Variants in ZFHX3 observed in about 807,000 individuals in gnomAD.
ZFHX3 encodes the protein zinc finger homeobox protein 3.
A neutral mutation model predicts 279.1 loss-of-function variants in ZFHX3; 42 were observed. That is an observed-to-expected ratio of 0.15 (90% confidence interval 0.12 to 0.19). The LOEUF (loss-of-function observed/expected upper bound fraction) is 0.19. ZFHX3 is among the 10% of genes least tolerant of loss of function. The pLI is 1.00. For synonymous variants in ZFHX3, 2,293 were observed against 1,957.8 expected, an observed-to-expected ratio of 1.17 and a Z score of -4.52; for missense variants, 4,981 against 4,754.0, an observed-to-expected ratio of 1.05 and a Z score of -1.40.
intron 3 of ZFHX3, among the ~76,000 whole-genome samples, chr16:73,387,857 T>C (rs1172333648): frequency 6.6e-6 from 1 of 151,916 alleles, no homozygotes; most frequent in Non-Finnish European, 1.5e-5. Context: ...ATGTCAGAGA[T>C]CATGTATGAC....
intron 1 of ZFHX3, among the ~76,000 whole-genome samples, chr16:72,995,338 G>A (rs768720553): frequency 6.6e-6 from 1 of 152,134 alleles, no homozygotes; most frequent in African/African-American, 2.4e-5. Flanking sequence ...GACGGAACGG[G>A]AACTGCAGAT....
intron 5 of ZFHX3, among the ~76,000 whole-genome samples, chr16:73,168,212 T>TTTCTTTCTTTCA (rs1967425698): frequency 5.6e-5 from 1 of 17,718 alleles, no homozygotes; most frequent in African/African-American, 2.5e-4. Flanking sequence ...TTTCTTTTGT[T>TTTCTTTCTTTCA]TTCTTTCTTT....
intron 2 of ZFHX3, among the ~76,000 whole-genome samples, chr16:73,648,983 A>T (rs925297198): frequency 6.6e-6 from 1 of 152,208 alleles, no homozygotes. Context: ...CTAGATGCAC[A>T]TATCTTTACA....
At chr16:72,995,761 G>A (rs550898739) in intron 1 of ZFHX3, among the ~76,000 whole-genome samples, 170 of 152,284 alleles carry the variant, frequency 1.1e-3, no homozygotes, top group Middle Eastern at 3.4e-3. Context: ...GGGCCTCAGC[G>A]TTTCACCATC....
At chr16:73,210,905 C>T (rs534253336) in intron 5 of ZFHX3, among the ~76,000 whole-genome samples, 2 of 152,176 alleles carry the variant, frequency 1.3e-5, no homozygotes, top group South Asian at 4.2e-4. Flanking sequence ...ATAGCAAAAC[C>T]ATAGCCTTCC....
At chr16:73,452,581 A>T (rs926214773) in intron 3 of ZFHX3, among the ~76,000 whole-genome samples, 23 of 152,176 alleles carry the variant, frequency 1.5e-4, no homozygotes, top group African/African-American at 5.1e-4. Flanking sequence ...CTTCTCAATT[A>T]ATCAGTGCAT....
Position 72,797,595 on chromosome 16 carries a change from G to C in ZFHX3, c.5087C>G (p.Pro1696Arg). 11 of 1,614,050 alleles carry C rather than the reference G, an allele frequency of 6.8e-6. No individual in the cohort carries two copies. Among genetic ancestry groups the C allele is most frequent in the Non-Finnish European group, 9.3e-6 (11 of 1,179,998 alleles). The change falls in exon 9 of 10, where the codon CCT becomes CGT. Residue 1696 changes from proline (P) to arginine (R), a missense_variant. Transcript: ENST00000268489. ...AGGGGAAGCAATGTTGGCACCAATAGGATTCCCCAGGGGTGGCATCCCTAC... is the reference window on the plus strand; with the variant it reads ...AGGGGAAGCAATGTTGGCACCAATACGATTCCCCAGGGGTGGCATCCCTAC... ...ESVGMPPLGNPIGANIASPSE... is the reference protein window; with the variant it reads ...ESVGMPPLGNRIGANIASPSE...
At position 72,851,641 on chromosome 16, in the gene ZFHX3, G is replaced by A. The variant is rs376368469; in HGVS notation, c.3449-21782C>T. Among the ~76,000 whole-genome samples the A allele has an allele frequency of 5.3e-5, 8 of 151,716 alleles. No homozygotes were observed. In the East Asian group the frequency reaches 1.4e-3, roughly 26 times the overall value. ...GCAAGCTCTGCTCACTGCAACCTCC[G>A]CCTCCCGGGTTCAAGAGATTCTCCT... On this transcript the variant is annotated intron_variant, in intron 4 of 9. Transcript: ENST00000268489.
intron 5 of ZFHX3, among the ~76,000 whole-genome samples, chr16:73,189,431 T>C (rs569972094): frequency 2.0e-5 from 3 of 152,334 alleles, no homozygotes; most frequent in South Asian, 2.1e-4. Flanking sequence ...CAATAACAAA[T>C]GTACTACAGG....
chr16:73,370,188 GATC>G (rs1160695818), intron 3 of ZFHX3, among the ~76,000 whole-genome samples: 2 of 152,220 alleles, frequency 1.3e-5, no homozygotes, highest in Non-Finnish European at 2.9e-5. Flanking sequence ...GGAGAAAACT[GATC>G]ATCATATGGT....
Position 73,315,664 on chromosome 16 carries a change from C to T in ZFHX3, c.-1194+2576G>A, listed in dbSNP as rs935127721. Among the ~76,000 whole-genome samples the T allele has an allele frequency of 3.9e-5, 6 of 152,162 alleles. No homozygotes were observed. In the South Asian group the frequency reaches 8.3e-4, roughly 21 times the overall value. On this transcript the variant is annotated intron_variant, in intron 4 of 17. Transcript: ENST00000641206. ...ACAATGGTTTTATTATATGAGCCTT[C>T]AGCGGTAAAGAAGAAAGGAAAAAGC...
At chr16:73,037,807 C>A (rs1270910328) in intron 1 of ZFHX3, among the ~76,000 whole-genome samples, 1 of 151,964 alleles carries the variant, frequency 6.6e-6, no homozygotes, top group East Asian at 1.9e-4. Context: ...ATGTCCCCCA[C>A]CCACCCAAAA....
chr16:73,486,716 AT>A, intron 2 of ZFHX3: 1 of 445,822 alleles, frequency 2.2e-6, no homozygotes, highest in Non-Finnish European at 4.5e-6. Flanking sequence ...TTCCTGCTAA[AT>A]CTAGGGTCTC....
At chr16:73,220,895 C>T (rs559323567) in intron 5 of ZFHX3, among the ~76,000 whole-genome samples, 12 of 152,156 alleles carry the variant, frequency 7.9e-5, no homozygotes, top group South Asian at 4.2e-4. Context: ...GGAGCACGGG[C>T]GATGGATGTT....
chr16:73,154,194 G>C (rs1483024124), intron 5 of ZFHX3, among the ~76,000 whole-genome samples: 1 of 152,152 alleles, frequency 6.6e-6, no homozygotes, highest in Non-Finnish European at 1.5e-5. Context: ...CTGGGATTTG[G>C]CATCCACGTG....
chr16:72,947,287 T>A (rs1255891421), intron 3 of ZFHX3, among the ~76,000 whole-genome samples: 1 of 151,258 alleles, frequency 6.6e-6, no homozygotes, highest in African/African-American at 2.4e-5. Flanking sequence ...AACATTAGTA[T>A]CACACAAAAA....
chr16:73,418,482 G>A (rs1222031628), intron 3 of ZFHX3, among the ~76,000 whole-genome samples: 3 of 152,234 alleles, frequency 2.0e-5, no homozygotes, highest in African/African-American at 7.2e-5. Context: ...TCTACATAGT[G>A]TGTATATGTT....
chr16:72,854,458 G>T lies in ZFHX3; in HGVS notation c.3449-24599C>A, dbSNP rs116792849. Reference sequence around the variant, plus strand: ...AAAGAGGGAAGGCTTAAAGAATGGGGAAACTCCCTCTGAGGCCTACAAATC... The same window carrying T: ...AAAGAGGGAAGGCTTAAAGAATGGGTAAACTCCCTCTGAGGCCTACAAATC... On this transcript the variant is annotated intron_variant, in intron 4 of 9. Transcript: ENST00000268489. Among the ~76,000 whole-genome samples the T allele has an allele frequency of 8.9e-3, 1,356 of 152,212 alleles. 26 individuals are homozygous for T. Among genetic ancestry groups the T allele is most frequent in the African/African-American group, 0.031 (1,285 of 41,522 alleles).
At chr16:73,717,591 G>A (rs149692493) in intron 1 of ZFHX3, among the ~76,000 whole-genome samples, 37 of 152,270 alleles carry the variant, frequency 2.4e-4, no homozygotes, top group Admixed American at 7.2e-4. Context: ...GTCCCCACTT[G>A]CTTGGTCCTT....
Sources: allele counts gnomAD v4.1 joint callset (sites outside exome capture counted in the v4.1 genomes callset), GRCh38; gene constraint gnomAD v4.1.1; transcripts MANE v1.5; gene names NCBI Gene and HGNC (gene_info 2026-07-23, HGNC 2026-07-21).